The following SCN2A variants were observed in gnomAD, a reference collection of about 807,000 sequenced individuals.
SCN2A encodes sodium voltage-gated channel alpha subunit 2.
A neutral mutation model predicts 188.7 loss-of-function variants in SCN2A; 20 were observed. That is an observed-to-expected ratio of 0.11 (90% CI 0.07 to 0.15). The LOEUF is 0.15. SCN2A is among the 10% of genes least tolerant of loss of function. SCN2A has a pLI of 1.00. For missense variants in SCN2A, 1,278 were observed against 2,445.0 expected, an observed-to-expected ratio of 0.52 and a Z score of 10.07; for synonymous variants, 804 against 833.1, an observed-to-expected ratio of 0.97 and a Z score of 0.60.
chr2:165,324,737 A>G (rs571789264), intron 12 of SCN2A, among the ~76,000 whole-genome samples: 2 of 152,302 alleles, frequency 1.3e-5, no homozygotes, highest in East Asian at 3.9e-4. Flanking sequence ...AGAGGAGGAA[A>G]CTGAGGCTTG....
Position 165,334,506 on chromosome 2 carries a change from A to G in SCN2A, c.2388+2938A>G, listed in dbSNP as rs534050974. On this transcript the variant is annotated intron_variant, in intron 14 of 26. Coordinates refer to ENST00000375437, the MANE Select transcript of SCN2A (RefSeq NM_001040142.2). ...GCATAAAAAATTAATGTAATATATC[A>G]TATTAATTTTAAAAAACTATACAAT... Among the ~76,000 whole-genome samples the G allele has an allele frequency of 2.0e-5, 3 of 151,990 alleles. No homozygotes were observed. In the East Asian group the frequency reaches 5.8e-4, roughly 29 times the overall value.
chr2:165,311,933 G>A (rs1697456884), intron 7 of SCN2A, 92 bp from the exon 8 acceptor site: 1 of 793,110 alleles, frequency 1.3e-6, no homozygotes, highest in Non-Finnish European at 2.2e-6. Flanking sequence ...CATTATGATT[G>A]AAAACATTTG....
intron 19 of SCN2A, among the ~76,000 whole-genome samples, chr2:165,368,212 G>A (rs1299297358): frequency 6.6e-6 from 1 of 152,052 alleles, no homozygotes; most frequent in East Asian, 1.9e-4. Flanking sequence ...ACTCCTCTCC[G>A]AAGCTATGCT....
At chr2:165,286,223 T>C (rs1695822801) in intron 1 of SCN2A, among the ~76,000 whole-genome samples, 1 of 152,134 alleles carries the variant, frequency 6.6e-6, no homozygotes, top group Non-Finnish European at 1.5e-5. Context: ...TGAGTTTGAG[T>C]TGGGAGTTTT....
intron 23 of SCN2A, among the ~76,000 whole-genome samples, chr2:165,378,047 AAAAACGGGGAC>A (rs1701402667): frequency 6.6e-6 from 1 of 151,760 alleles, no homozygotes; most frequent in South Asian, 2.1e-4. Flanking sequence ...GGATATGACT[AAAAACGGGGAC>A]AAAAATAAAC....
intron 14 of SCN2A, among the ~76,000 whole-genome samples, chr2:165,336,801 A>G (rs568680418): frequency 2.0e-4 from 30 of 152,106 alleles, no homozygotes; most frequent in African/African-American, 7.0e-4. Flanking sequence ...CTTTACCCCC[A>G]TGTTGCAGTA....
Position 165,314,114 on chromosome 2 carries a change from G to C in SCN2A, c.1383+6G>C. On this transcript the variant is annotated splice_donor_region_variant and intron_variant, in intron 10 of 26. Transcript: ENST00000375437. ...AGCAACAAGAAGAAGCTCAGGTATAGTGAACAAGCATACGGTCCTTTGTTT... is the reference window on the plus strand; with the variant it reads ...AGCAACAAGAAGAAGCTCAGGTATACTGAACAAGCATACGGTCCTTTGTTT... 1 of 1,612,676 alleles carries C rather than the reference G, an allele frequency of 6.2e-7. No homozygotes were observed. Among genetic ancestry groups the C allele is most frequent in the Non-Finnish European group, 8.5e-7 (1 of 1,179,154 alleles).
At chr2:165,274,891 G>C (rs963602011) in intron 1 of SCN2A, among the ~76,000 whole-genome samples, 5 of 151,634 alleles carry the variant, frequency 3.3e-5, no homozygotes, top group African/African-American at 1.2e-4. Context: ...CTGTTCTCAA[G>C]CCAAGGACAT....
In SCN2A at chr2:165,350,460, C is replaced by CTTTTTTTTT. The variant is rs796595702; in HGVS notation, c.2920-3729_2920-3728insTTTTTTTTT. On this transcript the variant is annotated intron_variant, in intron 16 of 26. Transcript: ENST00000375437. ...CTGAGTGAGCTTGCTGAACTGTTTT[C>CTTTTTTTTT]TTTCTTTTTTTTTTTTTTTTTTTTT... Among the ~76,000 whole-genome samples, 116 of 77,906 alleles carry CTTTTTTTTT rather than the reference C, an allele frequency of 1.5e-3. 10 individuals are homozygous for CTTTTTTTTT. The highest frequency in any genetic ancestry group is 3.3e-3 in the African/African-American group (75 of 23,012). The allele number at this position is 77,906 out of a possible 152,430, so 51.1% of individuals were successfully genotyped here.
At chr2:165,250,455 A>G (rs968851102) in intron 1 of SCN2A, among the ~76,000 whole-genome samples, 9 of 151,284 alleles carry the variant, frequency 5.9e-5, no homozygotes, top group Admixed American at 1.3e-4. Flanking sequence ...AATAATAATT[A>G]TAATTTAGGG....
intron 10 of SCN2A, 71 bp from the exon 11 acceptor site, chr2:165,315,400 C>T: frequency 6.2e-7 from 1 of 1,601,554 alleles, no homozygotes. Flanking sequence ...TATTGAAGCT[C>T]AATTAAGCAG....
At chr2:165,381,757 C>G (rs1701612746) in intron 25 of SCN2A, among the ~76,000 whole-genome samples, 1 of 151,992 alleles carries the variant, frequency 6.6e-6, no homozygotes, top group African/African-American at 2.4e-5. Context: ...TTTTTATTGG[C>G]TCTTCCAGGT....
chr2:165,372,915 C>G, intron 20 of SCN2A: 1 of 249,040 alleles, frequency 4.0e-6, no homozygotes, highest in Non-Finnish European at 7.9e-6. Context: ...TTTTTCTTTA[C>G]TTTTAATTTT....
At chr2:165,365,558 T>C (rs1700684813) in intron 18 of SCN2A, among the ~76,000 whole-genome samples, 1 of 152,182 alleles carries the variant, frequency 6.6e-6, no homozygotes, top group African/African-American at 2.4e-5. Context: ...AATTATTAAC[T>C]GGCTTTTCTG....
At chr2:165,331,718 A>C (rs959306643) in intron 14 of SCN2A, 150 bp downstream of exon 14, 6 of 711,288 alleles carry the variant, frequency 8.4e-6, no homozygotes. Context: ...TAACAAAAAA[A>C]TGTTGCTACC....
chr2:165,382,393 G>T (rs1701649909), intron 25 of SCN2A, among the ~76,000 whole-genome samples: 1 of 151,942 alleles, frequency 6.6e-6, no homozygotes, highest in South Asian at 2.1e-4. Context: ...AATAACCCTC[G>T]GCCATAGACA....
chr2:165,258,579 T>A (rs78109686), intron 1 of SCN2A, among the ~76,000 whole-genome samples: 8 of 152,156 alleles, frequency 5.3e-5, no homozygotes, highest in Non-Finnish European at 1.0e-4. Flanking sequence ...AACCCCATAA[T>A]TGGGTATGTG....
chr2:165,373,418 T>TG, intron 21 of SCN2A, 71 bp downstream of exon 21: 1 of 1,554,514 alleles, frequency 6.4e-7, no homozygotes. Context: ...ACCATGGAAA[T>TG]GTCAAATTTA....
intron 26 of SCN2A, 114 bp from the exon 27 acceptor site, chr2:165,388,515 A>C (rs1701987954): frequency 7.2e-7 from 1 of 1,394,516 alleles, no homozygotes; most frequent in Admixed American, 2.0e-5. Context: ...ATTTGCATAT[A>C]TACATGTACC....
Sources: gnomAD v4.1 joint callset for allele counts (sites outside exome capture counted in the v4.1 genomes callset) on GRCh38, gnomAD v4.1.1 for gene constraint, MANE v1.5 for transcripts, NCBI Gene and HGNC (gene_info 2026-07-23, HGNC 2026-07-21) for gene names.